CHMP3: variants seen among roughly 807,000 people sequenced by gnomAD.
CHMP3 encodes the protein charged multivesicular body protein 3, also known as 25.1 protein.
CHMP3 carries 8 observed loss-of-function variants against 27.4 expected under a neutral mutation model. That is an observed-to-expected ratio of 0.29 (90% CI 0.17 to 0.53). CHMP3 has a LOEUF of 0.53. Ranked by LOEUF, CHMP3 falls within the 20% of genes least tolerant of loss-of-function variation. CHMP3 has a pLI of 0.96. For synonymous variants in CHMP3, 86 were observed against 85.5 expected, an observed-to-expected ratio of 1.01 and a Z score of -0.03; for missense variants, 208 against 271.5, an observed-to-expected ratio of 0.77 and a Z score of 1.64.
At chr2:86,528,380 T>C (rs990476706) in intron 3 of CHMP3, among the ~76,000 whole-genome samples, 2 of 152,286 alleles carry the variant, frequency 1.3e-5, no homozygotes, top group South Asian at 4.1e-4. Flanking sequence ...TCAGGCACAG[T>C]GGTTATTCAC....
chr2:86,530,991 C>T (rs1416741856), intron 2 of CHMP3, among the ~76,000 whole-genome samples: 1 of 152,138 alleles, frequency 6.6e-6, no homozygotes, highest in African/African-American at 2.4e-5. Context: ...TTCCAAAAGT[C>T]TATTGAAGTC....
At chr2:86,537,431 TAA>T (rs1676192698) in intron 2 of CHMP3, among the ~76,000 whole-genome samples, 1 of 152,236 alleles carries the variant, frequency 6.6e-6, no homozygotes, top group Admixed American at 6.5e-5. Context: ...ATACTTGCTT[TAA>T]GTCTTTGTTT....
intron 3 of CHMP3, 43 bp from the exon 4 acceptor site, chr2:86,510,522 A>C (rs761117799): frequency 6.3e-7 from 1 of 1,599,510 alleles, no homozygotes; most frequent in African/African-American, 1.3e-5. Flanking sequence ...AACAGGATGG[A>C]ATAGAGAGAG....
At chr2:86,518,824 T>C (rs900918888) in intron 3 of CHMP3, among the ~76,000 whole-genome samples, 1 of 152,190 alleles carries the variant, frequency 6.6e-6, no homozygotes, top group African/African-American at 2.4e-5. Flanking sequence ...CTACTGCAAC[T>C]GAGATAAAGT....
At chr2:86,514,624 T>C (rs570089347) in intron 3 of CHMP3, among the ~76,000 whole-genome samples, 13 of 152,292 alleles carry the variant, frequency 8.5e-5, no homozygotes, top group African/African-American at 2.6e-4. Context: ...GTGTTAACAA[T>C]ATGTTGAATG....
chr2:86,563,263 C>T (rs1208804527), intron 1 of CHMP3, 41 bp downstream of exon 1: 3 of 1,612,046 alleles, frequency 1.9e-6, no homozygotes, highest in African/African-American at 1.3e-5. Context: ...CTACGCCCCA[C>T]ACAGATCCAC....
chr2:86,554,803 A>G (rs1459608323), intron 1 of CHMP3, among the ~76,000 whole-genome samples: 1 of 124,944 alleles, frequency 8.0e-6, no homozygotes, highest in Admixed American at 8.4e-5. Context: ...AATAGAATAA[A>G]TGTGTGTGCG....
chr2:86,519,676 G>A (rs1414307927), intron 3 of CHMP3, among the ~76,000 whole-genome samples: 1 of 152,196 alleles, frequency 6.6e-6, no homozygotes, highest in African/African-American at 2.4e-5. Flanking sequence ...CAATCAGTTT[G>A]TGAGGAAGGC....
At chr2:86,549,823 G>A (rs1391501821) in intron 1 of CHMP3, among the ~76,000 whole-genome samples, 1 of 149,656 alleles carries the variant, frequency 6.7e-6, no homozygotes, top group Non-Finnish European at 1.5e-5. Flanking sequence ...TCCCAGGCGG[G>A]GTGGCCGGGA....
intron 3 of CHMP3, among the ~76,000 whole-genome samples, chr2:86,524,301 T>A (rs929108930): frequency 1.3e-5 from 2 of 152,218 alleles, no homozygotes; most frequent in African/African-American, 4.8e-5. Context: ...TACAACACTT[T>A]TCTTTTAGAA....
intron 3 of CHMP3, among the ~76,000 whole-genome samples, chr2:86,515,006 T>A (rs546022458): frequency 1.3e-5 from 2 of 152,128 alleles, no homozygotes; most frequent in African/African-American, 4.8e-5. Flanking sequence ...GAGAGGAATA[T>A]GAAATAAACT....
At chr2:86,532,274 A>G (rs536597042) in intron 2 of CHMP3, among the ~76,000 whole-genome samples, 1 of 152,058 alleles carries the variant, frequency 6.6e-6, no homozygotes, top group East Asian at 1.9e-4. Context: ...GAGAAATACA[A>G]TTTTTTTTGG....
chr2:86,529,239 T>C lies in CHMP3; in HGVS notation c.265A>G (p.Met89Val). The C allele has an allele frequency of 6.2e-7, 1 of 1,608,992 alleles. No individual in the cohort carries two copies. The highest frequency in any genetic ancestry group is 8.5e-7 in the Non-Finnish European group (1 of 1,178,154). ...TTACCGAGCTGGTTCTTCATCCCCA[T>C]GAGCACTGAGTTCATGTGTGCTTTG... ...ASKAHMNSVL[M>V]GMKNQLAVLR... is the part of the protein sequence containing the mutation. Residue 89 changes from methionine to valine, a missense_variant, in exon 3 of 6, where the codon ATG (methionine) becomes GTG (valine). This residue lies in a region of CHMP3 where 94 missense variants were observed against 159.6 expected (regional missense o/e 0.59). Coordinates refer to ENST00000263856, the MANE Select transcript of CHMP3 (RefSeq NM_016079.4).
At chr2:86,519,886 CTTA>C (rs1474236090) in intron 3 of CHMP3, among the ~76,000 whole-genome samples, 4 of 152,176 alleles carry the variant, frequency 2.6e-5, no homozygotes, top group Non-Finnish European at 4.4e-5. Context: ...TAGGAAATTA[CTTA>C]TTATTCAGCA....
At chr2:86,532,418 CT>C (rs1195890931) in intron 2 of CHMP3, among the ~76,000 whole-genome samples, 3 of 152,132 alleles carry the variant, frequency 2.0e-5, no homozygotes, top group Non-Finnish European at 4.4e-5. Context: ...AATTTACATA[CT>C]TTTAACTATT....
chr2:86,556,234 CG>C (rs1677115677), intron 1 of CHMP3, among the ~76,000 whole-genome samples: 1 of 152,204 alleles, frequency 6.6e-6, no homozygotes, highest in South Asian at 2.1e-4. Context: ...CCCTCAGCTA[CG>C]TAGCTCCTCT....
intron 1 of CHMP3, among the ~76,000 whole-genome samples, chr2:86,552,220 C>G (rs1676936189): frequency 1.3e-5 from 2 of 152,176 alleles, no homozygotes; most frequent in African/African-American, 4.8e-5. Flanking sequence ...CAAAACGGTG[C>G]TTCTGAGAGG....
intron 3 of CHMP3, among the ~76,000 whole-genome samples, chr2:86,512,762 T>TA (rs1200385478): frequency 3.9e-5 from 6 of 152,204 alleles, no homozygotes; most frequent in Non-Finnish European, 5.9e-5. Context: ...AAATGGCAAG[T>TA]AAGCATATGA....
At chr2:86,515,416 G>A (rs7369138) in intron 3 of CHMP3, 59,442 of 152,124 alleles carry the variant, frequency 0.39, 13,597 homozygotes, top group East Asian at 0.75. Context: ...CTGCCTCCCG[G>A]GTTCTAAGCG....
Sources: allele counts gnomAD v4.1 joint callset (sites outside exome capture counted in the v4.1 genomes callset), GRCh38; gene constraint gnomAD v4.1.1; regional missense constraint gnomAD v4.1.1; transcripts MANE v1.5; gene names NCBI Gene and HGNC (gene_info 2026-07-23, HGNC 2026-07-21).